MITF: variants seen among roughly 807,000 people sequenced by gnomAD.
MITF encodes the protein melanocyte inducing transcription factor.
A neutral mutation model predicts 60.5 loss-of-function variants in MITF; 17 were observed. That is an observed-to-expected ratio of 0.28 (90% CI 0.19 to 0.42). The LOEUF (loss-of-function observed/expected upper bound fraction) is 0.42, where lower values mean the gene tolerates loss of function less well. MITF is among the 10% of genes least tolerant of loss of function. MITF has a pLI of 1.00. For synonymous variants in MITF, 260 were observed against 248.5 expected (o/e 1.05, Z -0.43); for missense variants, 622 against 683.5 (o/e 0.91, Z 1.00).
intron 2 of MITF, among the ~76,000 whole-genome samples, chr3:69,907,400 C>T (rs1170830403): frequency 1.3e-5 from 2 of 152,058 alleles, no homozygotes; most frequent in East Asian, 1.9e-4. Flanking sequence ...TATCTATGTA[C>T]CAGGCATTGT....
chr3:69,950,692 GA>G (rs1253805597), intron 6 of MITF, among the ~76,000 whole-genome samples: 2 of 151,196 alleles, frequency 1.3e-5, no homozygotes, highest in South Asian at 4.2e-4. Flanking sequence ...TCTATTTTGA[GA>G]TAAAATTCTA....
chr3:69,935,602 T>C (rs1409876777), intron 2 of MITF, among the ~76,000 whole-genome samples: 1 of 152,226 alleles, frequency 6.6e-6, no homozygotes, highest in Non-Finnish European at 1.5e-5. Flanking sequence ...CCTAACGGAC[T>C]GCATTATCCT....
At chr3:69,812,773 G>A (rs941337998) in intron 1 of MITF, among the ~76,000 whole-genome samples, 1 of 152,170 alleles carries the variant, frequency 6.6e-6, no homozygotes, top group African/African-American at 2.4e-5. Context: ...GGGCATGCAT[G>A]TAAACGATTT....
At chr3:69,960,862 C>G (rs2066524614) in intron 9 of MITF, among the ~76,000 whole-genome samples, 1 of 152,184 alleles carries the variant, frequency 6.6e-6, no homozygotes, top group Non-Finnish European at 1.5e-5. Context: ...TGCCACATCT[C>G]TCATTCACTG....
At chr3:69,840,566 C>A (rs924527781) in intron 1 of MITF, among the ~76,000 whole-genome samples, 15 of 151,942 alleles carry the variant, frequency 9.9e-5, no homozygotes, top group African/African-American at 3.6e-4. Context: ...TCCATAATGA[C>A]TTACCAAAGA....
At chr3:69,763,464 T>G in intron 1 of MITF, 1 of 1,011,892 alleles carries the variant, frequency 9.9e-7, no homozygotes, top group Non-Finnish European at 1.2e-6. Context: ...CCTGGCTGAA[T>G]TCCCTGTCAT....
At chr3:69,791,711 AG>A (rs1158312007) in intron 1 of MITF, among the ~76,000 whole-genome samples, 1 of 152,186 alleles carries the variant, frequency 6.6e-6, no homozygotes, top group Non-Finnish European at 1.5e-5. Flanking sequence ...TCTAATGGCA[AG>A]TAGAGGCAAA....
chr3:69,828,039 A>G (rs1351986466), intron 1 of MITF, among the ~76,000 whole-genome samples: 1 of 152,336 alleles, frequency 6.6e-6, no homozygotes, highest in Non-Finnish European at 1.5e-5. Flanking sequence ...GTGATCAAGT[A>G]TATCTTTACC....
intron 1 of MITF, among the ~76,000 whole-genome samples, chr3:69,861,808 T>C (rs1270859519): frequency 6.6e-6 from 1 of 152,132 alleles, no homozygotes; most frequent in East Asian, 1.9e-4. Flanking sequence ...AATGTGAGTG[T>C]GAGGCCATCT....
chr3:69,768,405 A>G (rs1281802392), intron 1 of MITF, among the ~76,000 whole-genome samples: 1 of 152,238 alleles, frequency 6.6e-6, no homozygotes, highest in Non-Finnish European at 1.5e-5. Flanking sequence ...ACAAGCATCT[A>G]GAATAAGGCA....
chr3:69,956,631 G>C, intron 8 of MITF, 101 bp downstream of exon 8: 1 of 911,546 alleles, frequency 1.1e-6, no homozygotes, highest in Non-Finnish European at 1.8e-6. Flanking sequence ...AAGTAAAGAA[G>C]TCTCCCCTCT....
intron 1 of MITF, among the ~76,000 whole-genome samples, chr3:69,834,431 T>C (rs2063505836): frequency 6.6e-6 from 1 of 152,228 alleles, no homozygotes; most frequent in South Asian, 2.1e-4. Context: ...GATATTTGTC[T>C]TTCTGTGTAT....
Position 69,903,901 on chromosome 3 carries a change from G to A in MITF, c.354+24518G>A, listed in dbSNP as rs77438642. On this transcript the variant is annotated intron_variant, in intron 2 of 9. Transcript: ENST00000352241. Reference sequence around the variant, plus strand: ...GGAAGCAAAATTACTTAACCTCTGAGAGCCTTTGTTTTTCCCGTTGGCAAA... The same window carrying A: ...GGAAGCAAAATTACTTAACCTCTGAAAGCCTTTGTTTTTCCCGTTGGCAAA... 2.0e-5 allele frequency among the ~76,000 whole-genome samples: 3 copies of A among 152,226 alleles called. No individual in the cohort carries two copies. The East Asian group carries it at 5.8e-4, about 29-fold the overall frequency.
At chr3:69,938,266 C>T in intron 3 of MITF, 5 of 1,280,838 alleles carry the variant, frequency 3.9e-6, no homozygotes, top group Non-Finnish European at 4.4e-6. Flanking sequence ...CTGGCCCTCT[C>T]CAAGTGAAAT....
At chr3:69,957,394 G>T (rs1252553041) in intron 8 of MITF, among the ~76,000 whole-genome samples, 2 of 152,156 alleles carry the variant, frequency 1.3e-5, no homozygotes, top group Non-Finnish European at 2.9e-5. Context: ...TATTAAATTT[G>T]CTGTTCACGT....
rs563548804 is a variant in MITF at position 69,966,711 on chromosome 3, A to G, written c.*1463A>G. Reference sequence around the variant, plus strand: ...CAATAACAGTAGTGTTACATGTATCAAGCCTAGATGTTTTATACAGATGCC... The same window carrying G: ...CAATAACAGTAGTGTTACATGTATCGAGCCTAGATGTTTTATACAGATGCC... On this transcript the variant is annotated 3_prime_UTR_variant, in exon 10 of 10. Transcript: ENST00000352241. 2 of 232,880 alleles carry G rather than the reference A, an allele frequency of 8.6e-6. No homozygotes were observed. Among genetic ancestry groups the G allele is most frequent in the Non-Finnish European group, 1.7e-5 (2 of 117,648 alleles). The allele number at this position is 232,880 out of a possible 1,614,324, so 14.4% of individuals were successfully genotyped here. A position where few individuals can be genotyped will look rare whatever the true frequency, so the allele number is the denominator to read the frequency against.
At chr3:69,775,629 G>A (rs1276217753) in intron 1 of MITF, among the ~76,000 whole-genome samples, 1 of 152,144 alleles carries the variant, frequency 6.6e-6, no homozygotes, top group Non-Finnish European at 1.5e-5. Context: ...CCAGAAATGA[G>A]CTTTAATGCC....
In MITF at chr3:69,759,305, G is replaced by A. The variant is rs577856384; in HGVS notation, c.104+19604G>A. Among the ~76,000 whole-genome samples, 31 of 152,228 alleles carry A rather than the reference G, an allele frequency of 2.0e-4. No homozygotes were observed. In the South Asian group the frequency reaches 5.6e-3, roughly 28 times the overall value. Reference sequence around the variant, plus strand: ...CTTAGGAACACTAGACAGCACTTTCGCACTAAACTTTGGTGCCATACTGAA... The same window carrying A: ...CTTAGGAACACTAGACAGCACTTTCACACTAAACTTTGGTGCCATACTGAA... On this transcript the variant is annotated intron_variant, in intron 1 of 9. Transcript: ENST00000352241.
chr3:69,858,376 A>G (rs1054296205), intron 1 of MITF, among the ~76,000 whole-genome samples: 5 of 152,182 alleles, frequency 3.3e-5, no homozygotes, highest in African/African-American at 1.2e-4. Context: ...ACAGGATGTC[A>G]TTAGTATGAG....
Sources: allele counts gnomAD v4.1 joint callset (sites outside exome capture counted in the v4.1 genomes callset), GRCh38; gene constraint gnomAD v4.1.1; transcripts MANE v1.5; gene names NCBI Gene and HGNC (gene_info 2026-07-23, HGNC 2026-07-21).